ZC3H12B: variants seen among roughly 807,000 people sequenced by gnomAD.
ZC3H12B encodes the protein probable ribonuclease ZC3H12B.
Under a neutral mutation model 43.9 loss-of-function variants are expected in ZC3H12B, and 7 were observed. That is an observed-to-expected ratio of 0.16 (90% CI 0.09 to 0.30). The LOEUF is 0.30. Ranked by LOEUF, ZC3H12B falls within the 10% of genes least tolerant of loss-of-function variation. The pLI is 1.00. For synonymous variants in ZC3H12B, 222 were observed against 241.7 expected, an observed-to-expected ratio of 0.92 and a Z score of 0.76; for missense variants, 475 against 670.2, an observed-to-expected ratio of 0.71 and a Z score of 3.22.
At chrX:65,150,796 T>C in the ZC3H12B span, among the ~76,000 whole-genome samples, 1 of 111,605 alleles carries the variant, frequency 9.0e-6, no homozygotes, top group Non-Finnish European at 1.9e-5. Context: ...GCAGATGAGA[T>C]TTTGCTTGCT....
chrX:65,074,465 A>C, the ZC3H12B span, among the ~76,000 whole-genome samples: 5 of 111,427 alleles, frequency 4.5e-5, no homozygotes, highest in Non-Finnish European at 7.5e-5. Context: ...TTGGTTTCCT[A>C]TTAGTTGGGT....
At chrX:65,129,887 T>C in the ZC3H12B span, among the ~76,000 whole-genome samples, 9 of 110,264 alleles carry the variant, frequency 8.2e-5, no homozygotes, top group African/African-American at 3.0e-4. Flanking sequence ...AGGGGTGATA[T>C]TGTGGGGTTG....
the ZC3H12B span, among the ~76,000 whole-genome samples, chrX:65,180,369 G>T: frequency 2.7e-5 from 3 of 111,725 alleles, no homozygotes; most frequent in African/African-American, 9.8e-5. Context: ...ATAATAAGAG[G>T]TATTTATGTC....
At chrX:65,228,906 A>G in the ZC3H12B span, among the ~76,000 whole-genome samples, 1 of 112,176 alleles carries the variant, frequency 8.9e-6, no homozygotes, top group African/African-American at 3.2e-5. Context: ...ATGGAAGAAC[A>G]TTCCATGCTC....
At chrX:65,090,870 G>A in the ZC3H12B span, among the ~76,000 whole-genome samples, 1 of 111,262 alleles carries the variant, frequency 9.0e-6, no homozygotes, top group African/African-American at 3.3e-5. Flanking sequence ...TCCCTTTGTT[G>A]CTGTCCTTGC....
chrX:65,435,763 A>T (rs1254168395), intron 3 of ZC3H12B, among the ~76,000 whole-genome samples: 3 of 111,656 alleles, frequency 2.7e-5, no homozygotes, highest in African/African-American at 9.8e-5. Flanking sequence ...AAGGAGGCTA[A>T]GAAGTTCCAC....
the ZC3H12B span, among the ~76,000 whole-genome samples, chrX:65,354,137 C>A: frequency 8.9e-6 from 1 of 112,263 alleles, no homozygotes; most frequent in Non-Finnish European, 1.9e-5. Context: ...GCTGTCTCCT[C>A]AAGTGGGTCC....
the ZC3H12B span, among the ~76,000 whole-genome samples, chrX:65,221,253 A>C: frequency 1.8e-5 from 2 of 112,065 alleles, no homozygotes; most frequent in Admixed American, 9.5e-5. Flanking sequence ...AAAAAATCTG[A>C]AAAAGCAGAA....
the ZC3H12B span, among the ~76,000 whole-genome samples, chrX:65,179,984 C>T: frequency 8.9e-6 from 1 of 111,827 alleles, no homozygotes; most frequent in Non-Finnish European, 1.9e-5. Context: ...AAAAGAGGGA[C>T]TTCTCCCTAA....
At chrX:65,326,349 G>C in the ZC3H12B span, among the ~76,000 whole-genome samples, 1 of 111,100 alleles carries the variant, frequency 9.0e-6, no homozygotes, top group Non-Finnish European at 1.9e-5. Context: ...TTAAGAAATT[G>C]GCCAAAAACA....
the ZC3H12B span, among the ~76,000 whole-genome samples, chrX:65,186,774 A>G: frequency 9.0e-6 from 1 of 111,478 alleles, no homozygotes; most frequent in Non-Finnish European, 1.9e-5. Context: ...TATGAGTGAG[A>G]ACATAAAATA....
the ZC3H12B span, among the ~76,000 whole-genome samples, chrX:65,326,037 T>C: frequency 9.0e-6 from 1 of 111,532 alleles, no homozygotes; most frequent in African/African-American, 3.2e-5. Context: ...GTCTGACACA[T>C]TATAAAAAAT....
chrX:65,263,764 AG>A, the ZC3H12B span, among the ~76,000 whole-genome samples: 1 of 111,461 alleles, frequency 9.0e-6, no homozygotes, highest in Non-Finnish European at 1.9e-5. Flanking sequence ...GATTCCTTAA[AG>A]AACTTAAAGT....
At chrX:65,418,861 A>G (rs1401727013) in intron 3 of ZC3H12B, among the ~76,000 whole-genome samples, 1 of 111,557 alleles carries the variant, frequency 9.0e-6, no homozygotes, top group Admixed American at 9.5e-5. Context: ...TACTACTGAA[A>G]ACCTGTACTG....
the ZC3H12B span, among the ~76,000 whole-genome samples, chrX:65,189,721 C>G: frequency 4.6e-5 from 5 of 108,628 alleles, no homozygotes; most frequent in Admixed American, 2.0e-4. Context: ...GAGTAGGTTG[C>G]GAAAATTTTC....
intron 2 of ZC3H12B, among the ~76,000 whole-genome samples, chrX:65,377,772 C>A (rs1031029406): frequency 7.2e-5 from 8 of 111,598 alleles, no homozygotes; most frequent in Non-Finnish European, 1.5e-4. Context: ...GGAAGTACTT[C>A]AATCAGAAAG....
At chrX:65,382,942 G>A (rs1015409265) in intron 2 of ZC3H12B, among the ~76,000 whole-genome samples, 1 of 110,354 alleles carries the variant, frequency 9.1e-6, no homozygotes, top group African/African-American at 3.3e-5. Flanking sequence ...CACTGCTCAA[G>A]AAAATAAAAG....
intron 3 of ZC3H12B, among the ~76,000 whole-genome samples, chrX:65,448,955 A>AAAAGAAAGAAAGAAAGAAAGAAGAAAG: frequency 1.7e-5 from 1 of 58,972 alleles, no homozygotes; most frequent in South Asian, 8.4e-4. Flanking sequence ...GAAAGAAAGA[A>AAAAGAAAGAAAGAAAGAAAGAAGAAAG]AAAGAAAGAA....
the ZC3H12B span, among the ~76,000 whole-genome samples, chrX:65,143,120 C>G: frequency 2.7e-5 from 3 of 110,843 alleles, no homozygotes; most frequent in Admixed American, 2.9e-4. Context: ...AATATTAATT[C>G]TACCTATCTA....
Sources: allele counts gnomAD v4.1 joint callset (sites outside exome capture counted in the v4.1 genomes callset), GRCh38; gene constraint gnomAD v4.1.1; transcripts MANE v1.5; gene names NCBI Gene and HGNC (gene_info 2026-07-23, HGNC 2026-07-21).